Variants in ZNF565 observed in about 807,000 individuals in gnomAD.
ZNF565 encodes zinc finger protein 565.
A neutral mutation model predicts 39.4 loss-of-function variants in ZNF565; 27 were observed. That is an observed-to-expected ratio of 0.69 (90% CI 0.51 to 0.95). The LOEUF (loss-of-function observed/expected upper bound fraction) is 0.95, where lower values mean the gene tolerates loss of function less well. ZNF565 is among the 40% of genes least tolerant of loss of function. ZNF565 has a pLI of 0.00. For missense variants in ZNF565, 524 were observed against 621.1 expected, an observed-to-expected ratio of 0.84 and a Z score of 1.66; for synonymous variants, 185 against 216.6, an observed-to-expected ratio of 0.85 and a Z score of 1.28.
downstream of ZNF565, chr19:36,182,134 G>C: frequency 4.8e-6 from 1 of 206,776 alleles, no homozygotes; most frequent in South Asian, 1.3e-4. Flanking sequence ...TTACAGGCAT[G>C]AGCCACCACG....
intron 4 of ZNF565, among the ~76,000 whole-genome samples, chr19:36,190,532 C>T (rs919020640): frequency 6.7e-6 from 1 of 148,938 alleles, no homozygotes; most frequent in African/African-American, 2.5e-5. Context: ...GCGGAGATCT[C>T]GCCATTGCAC....
intron 1 of ZNF565, 112 bp from the exon 2 acceptor site, chr19:36,202,162 C>G: frequency 1.5e-6 from 1 of 658,324 alleles, no homozygotes; most frequent in Non-Finnish European, 2.7e-6. Flanking sequence ...CTCGGATCTG[C>G]TTCTCCCACC....
At chr19:36,218,807 C>CT (rs201752963), upstream of ZNF565, among the ~76,000 whole-genome samples, 17 of 139,818 alleles carry the variant, frequency 1.2e-4, no homozygotes, top group Middle Eastern at 4.5e-3. Flanking sequence ...TTAAAATTTT[C>CT]TTTTTTTTTG....
At chr19:36,233,496 C>T (rs762052954) in intron 1 of ZNF565, among the ~76,000 whole-genome samples, 5 of 152,030 alleles carry the variant, frequency 3.3e-5, no homozygotes, top group East Asian at 3.9e-4. Flanking sequence ...GACCTGCATA[C>T]GGAGGACCTC....
intron 1 of ZNF565, among the ~76,000 whole-genome samples, chr19:36,206,293 C>A (rs896111934): frequency 6.6e-6 from 1 of 151,996 alleles, no homozygotes; most frequent in Non-Finnish European, 1.5e-5. Flanking sequence ...AGACAACCAA[C>A]AAACACTGAC....
Position 36,203,125 on chromosome 19 carries a change from G to T in ZNF565, c.-65-1075C>A, listed in dbSNP as rs149828085. On this transcript the variant is annotated intron_variant, in intron 1 of 4. Coordinates refer to ENST00000304116, the MANE Select transcript of ZNF565 (RefSeq NM_152477.5). ...CAAGGCAGGTGGATCACCTGAGGTC[G>T]GGAGTTCGAGACCAGCCTAATCAAC... 1.9e-3 allele frequency among the ~76,000 whole-genome samples: 283 copies of T among 151,914 alleles called. 10 individuals are homozygous for T. The East Asian group carries it at 0.048, about 26-fold the overall frequency.
chr19:36,202,706 T>C (rs771657211), intron 1 of ZNF565, among the ~76,000 whole-genome samples: 1 of 152,200 alleles, frequency 6.6e-6, no homozygotes, highest in African/African-American at 2.4e-5. Flanking sequence ...AGACCATCTA[T>C]GCAGGCCAAA....
intron 1 of ZNF565, among the ~76,000 whole-genome samples, chr19:36,209,668 G>T (rs1387846490): frequency 6.6e-6 from 1 of 151,990 alleles, no homozygotes; most frequent in Non-Finnish European, 1.5e-5. Flanking sequence ...AGGATGTGAG[G>T]GGAACCCAAA....
At chr19:36,217,269 G>A (rs1976651492), upstream of ZNF565, among the ~76,000 whole-genome samples, 2 of 151,452 alleles carry the variant, frequency 1.3e-5, no homozygotes, top group Admixed American at 1.3e-4. Flanking sequence ...TACCATGTTG[G>A]CCAGGCTGGT....
chr19:36,225,220 A>G (rs1977015590), intron 1 of ZNF565, among the ~76,000 whole-genome samples: 2 of 152,290 alleles, frequency 1.3e-5, no homozygotes, highest in East Asian at 1.9e-4. Context: ...GGACACTGCT[A>G]ATAGCCAAGG....
chr19:36,199,703 A>G (rs1284020787), intron 2 of ZNF565, among the ~76,000 whole-genome samples: 5 of 152,018 alleles, frequency 3.3e-5, no homozygotes, highest in Admixed American at 6.6e-5. Flanking sequence ...TTTTGTAGAG[A>G]GAGGGTTTTC....
intron 4 of ZNF565, among the ~76,000 whole-genome samples, chr19:36,184,145 G>A (rs937135636): frequency 6.0e-5 from 8 of 132,912 alleles, no homozygotes; most frequent in Non-Finnish European, 1.1e-4. Context: ...ACCATAAAAA[G>A]TGAATGCCTT....
intron 1 of ZNF565, among the ~76,000 whole-genome samples, chr19:36,202,636 G>C (rs564252403): frequency 1.3e-5 from 2 of 152,084 alleles, no homozygotes; most frequent in Non-Finnish European, 2.9e-5. Context: ...AGGATCTTAC[G>C]ACTCAGACTC....
At chr19:36,219,466 A>G (rs1468291282), upstream of ZNF565, among the ~76,000 whole-genome samples, 2 of 152,144 alleles carry the variant, frequency 1.3e-5, no homozygotes, top group Non-Finnish European at 1.5e-5. Context: ...TTTGATTTCT[A>G]TGATTACTTT....
intron 4 of ZNF565, among the ~76,000 whole-genome samples, chr19:36,190,947 G>A (rs1257062698): frequency 1.4e-5 from 2 of 146,806 alleles, no homozygotes; most frequent in African/African-American, 2.5e-5. Flanking sequence ...AGCTGAGATC[G>A]TGCCACTGCA....
intron 4 of ZNF565, among the ~76,000 whole-genome samples, chr19:36,193,850 G>A (rs1331269101): frequency 6.6e-6 from 1 of 152,012 alleles, no homozygotes; most frequent in Non-Finnish European, 1.5e-5. Flanking sequence ...TGGGAGGATC[G>A]CTTAAGCCCA....
rs191243117 is a variant in ZNF565 at position 36,195,499 on chromosome 19, C to T, written c.10-343G>A. Among the ~76,000 whole-genome samples the T allele has an allele frequency of 9.3e-5, 14 of 150,304 alleles. No individual in the cohort carries two copies. The East Asian group carries it at 2.7e-3, about 30-fold the overall frequency. On this transcript the variant is annotated intron_variant, in intron 2 of 4. Coordinates refer to ENST00000304116, the MANE Select transcript of ZNF565 (RefSeq NM_152477.5). Reference sequence around the variant, plus strand: ...ATAAAAGTATCAATAATTTCCCAGTCAACAGATTAAATTCTAATTGCCCCA... The same window carrying T: ...ATAAAAGTATCAATAATTTCCCAGTTAACAGATTAAATTCTAATTGCCCCA...
At chr19:36,236,950 C>T in intron 1 of ZNF565, 1 of 1,614,048 alleles carries the variant, frequency 6.2e-7, no homozygotes, top group Non-Finnish European at 8.5e-7. Context: ...AGAAGAAGTA[C>T]CTCATAAAAC....
chr19:36,236,910 A>G, intron 1 of ZNF565: 1 of 1,614,150 alleles, frequency 6.2e-7, no homozygotes, highest in East Asian at 2.2e-5. Context: ...AAGCCTTTTA[A>G]ATGTAGTGAA....
Sources: gnomAD v4.1 joint callset for allele counts (sites outside exome capture counted in the v4.1 genomes callset) on GRCh38, gnomAD v4.1.1 for gene constraint, MANE v1.5 for transcripts, NCBI Gene and HGNC (gene_info 2026-07-23, HGNC 2026-07-21) for gene names.